KCNIP4: variants seen among roughly 807,000 people sequenced by gnomAD.
KCNIP4 encodes the protein potassium voltage-gated channel interacting protein 4.
A neutral mutation model predicts 34.0 loss-of-function variants in KCNIP4; 12 were observed. That is an observed-to-expected ratio of 0.35 (90% CI 0.23 to 0.57). KCNIP4 has a LOEUF of 0.57. KCNIP4 is among the 20% of genes least tolerant of loss of function. The probability of loss-of-function intolerance (pLI) is 0.83; values close to 1 mark genes in which losing one functional copy is unlikely to be tolerated. For missense variants in KCNIP4, 238 were observed against 311.7 expected (o/e 0.76, Z 1.78); for synonymous variants, 124 against 102.2 (o/e 1.21, Z -1.29).
intron 3 of KCNIP4, among the ~76,000 whole-genome samples, chr4:20,837,850 T>TA (rs1292856035): frequency 1.4e-5 from 2 of 147,188 alleles, no homozygotes; most frequent in African/African-American, 2.5e-5. Context: ...CCCAGCAAAT[T>TA]TTTTTTTTTT....
intron 1 of KCNIP4, among the ~76,000 whole-genome samples, chr4:21,502,783 G>A (rs570798129): frequency 3.2e-4 from 49 of 152,240 alleles, no homozygotes; most frequent in African/African-American, 9.4e-4. Context: ...GTCCTATTCC[G>A]TTTTGCCACA....
At chr4:21,040,916 A>T (rs777772354) in intron 1 of KCNIP4, among the ~76,000 whole-genome samples, 6 of 149,388 alleles carry the variant, frequency 4.0e-5, no homozygotes, top group Non-Finnish European at 5.9e-5. Context: ...AACTGTCTTC[A>T]TGTGATAAGT....
At chr4:20,750,047 G>C (rs539417244) in intron 4 of KCNIP4, among the ~76,000 whole-genome samples, 3 of 152,288 alleles carry the variant, frequency 2.0e-5, no homozygotes, top group Admixed American at 2.0e-4. Context: ...ATTGAGACTT[G>C]TCTGGAATTT....
intron 1 of KCNIP4, among the ~76,000 whole-genome samples, chr4:21,453,469 G>T (rs1353700963): frequency 6.6e-6 from 1 of 151,984 alleles, no homozygotes; most frequent in Non-Finnish European, 1.5e-5. Context: ...TAAATGATCA[G>T]CAGAACTGAA....
intron 1 of KCNIP4, among the ~76,000 whole-genome samples, chr4:21,925,081 T>A (rs1560184925): frequency 6.6e-6 from 1 of 152,098 alleles, no homozygotes; most frequent in East Asian, 1.9e-4. Context: ...TTTTTTCTTT[T>A]TTTTATTTTA....
chr4:21,157,534 G>C (rs965691957), intron 1 of KCNIP4, among the ~76,000 whole-genome samples: 6 of 151,782 alleles, frequency 4.0e-5, no homozygotes, highest in African/African-American at 9.7e-5. Context: ...TAGTGATCTC[G>C]GAGATACCTG....
chr4:20,747,133 A>G (rs1340949801), intron 5 of KCNIP4, among the ~76,000 whole-genome samples: 3 of 152,188 alleles, frequency 2.0e-5, no homozygotes, highest in Non-Finnish European at 2.9e-5. Context: ...GTTCATTGCA[A>G]TTACTGGTAT....
intron 1 of KCNIP4, among the ~76,000 whole-genome samples, chr4:21,438,514 G>C (rs1347095061): frequency 2.0e-5 from 3 of 152,086 alleles, no homozygotes; most frequent in Admixed American, 2.0e-4. Context: ...TTTCTATTAA[G>C]AGCCAGCTGT....
intron 1 of KCNIP4, among the ~76,000 whole-genome samples, chr4:20,959,687 GA>G (rs1733661280): frequency 6.6e-6 from 1 of 152,072 alleles, no homozygotes; most frequent in Non-Finnish European, 1.5e-5. Flanking sequence ...CGCATTTTAT[GA>G]GGTTTCTGTT....
chr4:21,676,636 T>C (rs1749925775), intron 1 of KCNIP4, among the ~76,000 whole-genome samples: 1 of 152,210 alleles, frequency 6.6e-6, no homozygotes, highest in African/African-American at 2.4e-5. Flanking sequence ...TCCAGGTCTA[T>C]TTTATGCTAT....
rs34110194 is a variant in KCNIP4, at chr4:21,761,637, C to CA, written c.61+186933dup. On this transcript the variant is annotated intron_variant, in intron 1 of 8. Transcript: ENST00000382152. Reference sequence around the variant, plus strand: ...AATTTGTAAAACAAGTACAAAAAAGCAAAAAAAAACTCTCAAAATAAATAT... The same window carrying CA: ...AATTTGTAAAACAAGTACAAAAAAGCAAAAAAAAAACTCTCAAAATAAATAT... 9.5e-4 allele frequency among the ~76,000 whole-genome samples: 143 copies of CA among 150,728 alleles called. No individual in the cohort carries two copies. In the South Asian group the frequency reaches 0.011, roughly 11 times the overall value.
rs1713265379 is a variant in KCNIP4 at position 21,312,258 on chromosome 4, T to C, written c.62-429549A>G. Among the ~76,000 whole-genome samples the C allele has an allele frequency of 1.3e-5, 2 of 152,178 alleles. 1 individual carries two copies. The highest frequency in any genetic ancestry group is 4.1e-4 in the South Asian group (2 of 4,832). ...GAGAGAACAGAGAACTAAGCTGTTATACATATGTATTGACTCGTGGTGCTC... is the reference window on the plus strand; with the variant it reads ...GAGAGAACAGAGAACTAAGCTGTTACACATATGTATTGACTCGTGGTGCTC... On this transcript the variant is annotated intron_variant, in intron 1 of 8. Coordinates refer to ENST00000382152, the MANE Select transcript of KCNIP4 (RefSeq NM_025221.6).
intron 1 of KCNIP4, among the ~76,000 whole-genome samples, chr4:20,928,871 TA>T (rs1577381779): frequency 6.6e-6 from 1 of 151,964 alleles, no homozygotes; most frequent in Admixed American, 6.6e-5. Context: ...AATGGACCAA[TA>T]AAAATTAAGA....
At chr4:21,030,164 T>C (rs1485223343) in intron 1 of KCNIP4, among the ~76,000 whole-genome samples, 1 of 152,130 alleles carries the variant, frequency 6.6e-6, no homozygotes, top group Non-Finnish European at 1.5e-5. Flanking sequence ...CAGCTCCCCA[T>C]GGCTTGCATT....
intron 2 of KCNIP4, among the ~76,000 whole-genome samples, chr4:20,871,873 A>G (rs1033664771): frequency 3.9e-5 from 6 of 152,086 alleles, no homozygotes; most frequent in African/African-American, 1.4e-4. Flanking sequence ...AAAAAATCAT[A>G]AAATCTCCCA....
chr4:20,809,808 T>A (rs1181118480), intron 3 of KCNIP4, among the ~76,000 whole-genome samples: 3 of 152,226 alleles, frequency 2.0e-5, no homozygotes, highest in African/African-American at 7.2e-5. Flanking sequence ...TGAATGCAGC[T>A]GCAGCTCATC....
intron 1 of KCNIP4, among the ~76,000 whole-genome samples, chr4:21,557,256 G>A (rs1739141577): frequency 6.6e-6 from 1 of 152,046 alleles, no homozygotes; most frequent in Non-Finnish European, 1.5e-5. Flanking sequence ...ACTATACTGT[G>A]ACAAAAATAA....
chr4:21,826,133 T>A (rs1488284318), intron 1 of KCNIP4, among the ~76,000 whole-genome samples: 1 of 152,094 alleles, frequency 6.6e-6, no homozygotes, highest in South Asian at 2.1e-4. Context: ...AGGTGCACAG[T>A]GGGCAGAGTA....
chr4:20,903,747 C>T (rs879440066), intron 1 of KCNIP4, among the ~76,000 whole-genome samples: 11 of 152,140 alleles, frequency 7.2e-5, no homozygotes, highest in Admixed American at 5.9e-4. Context: ...GGCTGCGTCA[C>T]GGGCCATGGT....
Sources: allele counts gnomAD v4.1 joint callset (sites outside exome capture counted in the v4.1 genomes callset), GRCh38; gene constraint gnomAD v4.1.1; transcripts MANE v1.5; gene names NCBI Gene and HGNC (gene_info 2026-07-23, HGNC 2026-07-21).